Variants in CFAP70 observed in about 807,000 individuals in gnomAD.
CFAP70 encodes cilia and flagella associated protein 70.
A neutral mutation model predicts 137.6 loss-of-function variants in CFAP70; 81 were observed. The observed-to-expected ratio is 0.59, with a 90% CI of 0.49 to 0.71. CFAP70 has a LOEUF of 0.71. Among genes scored for constraint, CFAP70 ranks in the 30% least tolerant of loss-of-function variants. CFAP70 has a pLI of 0.00. For synonymous variants in CFAP70, 382 were observed against 423.6 expected (o/e 0.90, Z 1.20); for missense variants, 976 against 1,226.7 (o/e 0.80, Z 3.05).
intron 19 of CFAP70, among the ~76,000 whole-genome samples, chr10:73,284,780 ATATATATATATAT>A (rs2047543277): frequency 1.7e-5 from 1 of 59,352 alleles, no homozygotes; most frequent in Non-Finnish European, 3.4e-5. Flanking sequence ...ATATATATAT[ATATATATATATAT>A]ATATATATAT....
At position 73,254,675 on chromosome 10, in the gene CFAP70, CTTTA is replaced by C. The variant is rs547262994; in HGVS notation, c.3076-624_3076-621del. On this transcript the variant is annotated intron_variant, in intron 26 of 26. Transcript: ENST00000310715. ...ATTGGGTAGGACACCTGGAGAAGCCCTTTATTTAGGGAAAGTCCTTTAAAGGGAA... is the reference window on the plus strand; with the variant it reads ...ATTGGGTAGGACACCTGGAGAAGCCCTTTAGGGAAAGTCCTTTAAAGGGAA... Among the ~76,000 whole-genome samples the C allele has an allele frequency of 7.9e-5, 12 of 152,250 alleles. No homozygotes were observed. In the South Asian group the frequency reaches 2.3e-3, roughly 29 times the overall value.
At chr10:73,279,523 CAATAAATAAATAAATAAATA>C (rs35709122) in intron 19 of CFAP70, among the ~76,000 whole-genome samples, 99 of 129,400 alleles carry the variant, frequency 7.7e-4, no homozygotes, top group African/African-American at 1.7e-3. Context: ...GACTCTGTCT[CAATAAATAAATAAATAAATA>C]AATAAATAAA....
At chr10:73,320,023 T>A (rs1210799924) in intron 9 of CFAP70, among the ~76,000 whole-genome samples, 1 of 152,224 alleles carries the variant, frequency 6.6e-6, no homozygotes, top group African/African-American at 2.4e-5. Context: ...AGGAAACTAC[T>A]GTATTTCAGA....
At chr10:73,334,620 G>C (rs536956682) in intron 7 of CFAP70, among the ~76,000 whole-genome samples, 1 of 149,266 alleles carries the variant, frequency 6.7e-6, no homozygotes, top group Non-Finnish European at 1.5e-5. Flanking sequence ...TCACTCTGTC[G>C]CCAGGCTGGA....
intron 9 of CFAP70, among the ~76,000 whole-genome samples, chr10:73,320,919 G>A (rs557988982): frequency 7.9e-5 from 12 of 152,024 alleles, no homozygotes; most frequent in East Asian, 7.8e-4. Context: ...CGCCCGCCTC[G>A]GCCTCCTAGA....
At chr10:73,264,655 T>C (rs966743233) in intron 25 of CFAP70, among the ~76,000 whole-genome samples, 2 of 152,204 alleles carry the variant, frequency 1.3e-5, no homozygotes, top group African/African-American at 4.8e-5. Context: ...AACTATACTC[T>C]AAAATGTGTA....
At chr10:73,354,051 G>A (rs754322648) in intron 2 of CFAP70, among the ~76,000 whole-genome samples, 7 of 152,042 alleles carry the variant, frequency 4.6e-5, no homozygotes, top group African/African-American at 7.2e-5. Context: ...ACGGAGTCTC[G>A]CTCTGTCACC....
At chr10:73,338,371 C>A (rs2052902059) in intron 6 of CFAP70, among the ~76,000 whole-genome samples, 1 of 151,732 alleles carries the variant, frequency 6.6e-6, no homozygotes, top group Admixed American at 6.6e-5. Context: ...AGTGATCTGC[C>A]CGCCTTGGCC....
intron 15 of CFAP70, chr10:73,295,243 G>A (rs974601972): frequency 2.0e-5 from 3 of 152,528 alleles, no homozygotes; most frequent in Admixed American, 6.6e-5. Flanking sequence ...TTGAGCCTGG[G>A]AAGTTGAAGC....
At chr10:73,322,388 C>A (rs1244724960) in intron 9 of CFAP70, among the ~76,000 whole-genome samples, 4 of 151,832 alleles carry the variant, frequency 2.6e-5, no homozygotes, top group Admixed American at 6.6e-5. Flanking sequence ...ATAAAATGTA[C>A]TTTTCAAGAC....
At chr10:73,285,933 C>T (rs1420533834) in intron 19 of CFAP70, among the ~76,000 whole-genome samples, 6 of 152,004 alleles carry the variant, frequency 3.9e-5, no homozygotes, top group African/African-American at 7.2e-5. Context: ...CCATTCCAGG[C>T]CTGAAACTAT....
chr10:73,264,962 C>A (rs1368556425), intron 25 of CFAP70, among the ~76,000 whole-genome samples: 1 of 152,202 alleles, frequency 6.6e-6, no homozygotes, highest in Non-Finnish European at 1.5e-5. Context: ...TCTACCCATG[C>A]CCACTCATGT....
chr10:73,308,781 T>C (rs2132067277), intron 12 of CFAP70, among the ~76,000 whole-genome samples: 1 of 141,378 alleles, frequency 7.1e-6, no homozygotes, highest in Middle Eastern at 3.9e-3. Flanking sequence ...ATTCAACCAA[T>C]GGTTCAAAGA....
exon 9 of CFAP70, chr10:73,322,967 T>C (rs2132213855): frequency 6.3e-7 from 1 of 1,585,418 alleles, no homozygotes; most frequent in East Asian, 2.2e-5. Flanking sequence ...TCTTACCTTT[T>C]CATGGACTAC....
At chr10:73,354,042 C>T (rs1358777038) in intron 2 of CFAP70, among the ~76,000 whole-genome samples, 1 of 152,190 alleles carries the variant, frequency 6.6e-6, no homozygotes, top group African/African-American at 2.4e-5. Context: ...TGTTTTGAGA[C>T]GGAGTCTCGC....
At chr10:73,256,463 A>G (rs2044506717) in intron 25 of CFAP70, 47 bp from the exon 27 acceptor site, 1 of 1,609,902 alleles carries the variant, frequency 6.2e-7, no homozygotes, top group Admixed American at 1.7e-5. Context: ...CATAAACATT[A>G]TGGTAAGGAA....
At chr10:73,274,621 A>G (rs1275279961) in intron 22 of CFAP70, 27 bp from the exon 24 acceptor site, 1 of 1,603,484 alleles carries the variant, frequency 6.2e-7, no homozygotes, top group Admixed American at 1.7e-5. Flanking sequence ...CAAGTAGTAT[A>G]TGGGATAAGG....
At chr10:73,311,177 CT>C (rs1474539983) in intron 11 of CFAP70, among the ~76,000 whole-genome samples, 2 of 152,194 alleles carry the variant, frequency 1.3e-5, no homozygotes, top group Non-Finnish European at 2.9e-5. Context: ...TTTCCTAACT[CT>C]TTATAGAATC....
At chr10:73,355,495 T>A (rs1317723789) in intron 1 of CFAP70, among the ~76,000 whole-genome samples, 4 of 152,316 alleles carry the variant, frequency 2.6e-5, no homozygotes, top group Non-Finnish European at 1.5e-5. Context: ...TTTCATTATA[T>A]AGGCTAGGCA....
Sources: gnomAD v4.1 joint callset for allele counts (sites outside exome capture counted in the v4.1 genomes callset) on GRCh38, gnomAD v4.1.1 for gene constraint, MANE v1.5 for transcripts, NCBI Gene and HGNC (gene_info 2026-07-23, HGNC 2026-07-21) for gene names.